Variants in LARGE1 observed in about 807,000 individuals in gnomAD.
LARGE1 encodes xylosyl- and glucuronyltransferase LARGE1.
LARGE1 carries 43 observed loss-of-function variants against 87.6 expected under a neutral mutation model. The ratio of observed to expected loss-of-function variants is 0.49; its 90% CI spans 0.38 to 0.63. LARGE1 has a LOEUF of 0.63. Ranked by LOEUF, LARGE1 falls within the 30% of genes least tolerant of loss-of-function variation. The pLI is 0.00. For missense variants in LARGE1, 802 were observed against 1,000.2 expected (o/e 0.80, Z 2.67); for synonymous variants, 434 against 394.6 (o/e 1.10, Z -1.18).
intron 7 of LARGE1, among the ~76,000 whole-genome samples, chr22:33,421,610 T>C (rs1386804920): frequency 1.3e-5 from 2 of 152,256 alleles, no homozygotes; most frequent in Non-Finnish European, 2.9e-5. Flanking sequence ...GCATTTACTA[T>C]GTGCTAAACC....
At chr22:33,293,063 C>T (rs1022611318) in intron 12 of LARGE1, among the ~76,000 whole-genome samples, 1 of 152,212 alleles carries the variant, frequency 6.6e-6, no homozygotes. Context: ...CAGAAGCATA[C>T]TCCTCTCTGT....
chr22:33,783,702 C>A (rs2085506605), intron 1 of LARGE1, among the ~76,000 whole-genome samples: 1 of 152,176 alleles, frequency 6.6e-6, no homozygotes, highest in Admixed American at 6.5e-5. Flanking sequence ...TCCATTGTGG[C>A]CTACTACATA....
intron 1 of LARGE1, among the ~76,000 whole-genome samples, chr22:33,850,177 G>C (rs913034498): frequency 1.2e-4 from 19 of 152,292 alleles, no homozygotes; most frequent in African/African-American, 4.6e-4. Context: ...TCTGGACTGA[G>C]GATCAGAAGA....
intron 11 of LARGE1, among the ~76,000 whole-genome samples, chr22:33,311,055 G>T (rs539929037): frequency 1.3e-5 from 2 of 152,118 alleles, no homozygotes; most frequent in African/African-American, 2.4e-5. Flanking sequence ...CCGCCTCCCG[G>T]GTTCACACCA....
Position 33,794,517 on chromosome 22 carries a change from A to G in LARGE1, c.-82-32959T>C, listed in dbSNP as rs549670321. On this transcript the variant is annotated intron_variant, in intron 1 of 14. Transcript: ENST00000397394. ...CAGACCAGAGTTCCAACCCCAGTCT[A>G]TCCTTTTACTGCTGTGTGGCCTTGG... Among the ~76,000 whole-genome samples the G allele has an allele frequency of 3.9e-5, 6 of 152,334 alleles. No homozygotes were observed. The South Asian group carries it at 1.2e-3, about 32-fold the overall frequency.
chr22:33,509,427 A>G (rs1416623544), intron 6 of LARGE1, among the ~76,000 whole-genome samples: 1 of 151,264 alleles, frequency 6.6e-6, no homozygotes, highest in African/African-American at 2.5e-5. Flanking sequence ...GTCATGTTTA[A>G]TAGAGTCCTC....
intron 5 of LARGE1, among the ~76,000 whole-genome samples, chr22:33,598,818 G>C (rs1364403676): frequency 1.3e-5 from 2 of 152,180 alleles, no homozygotes; most frequent in African/African-American, 4.8e-5. Context: ...ATTGTGAATA[G>C]AGCCACAATA....
At chr22:33,595,938 A>C (rs1431271890) in intron 5 of LARGE1, among the ~76,000 whole-genome samples, 1 of 152,236 alleles carries the variant, frequency 6.6e-6, no homozygotes, top group Non-Finnish European at 1.5e-5. Context: ...TGAAGATTTC[A>C]GTAAGGCATA....
At chr22:33,553,802 T>C (rs948751122) in intron 6 of LARGE1, among the ~76,000 whole-genome samples, 2 of 151,638 alleles carry the variant, frequency 1.3e-5, no homozygotes, top group African/African-American at 4.9e-5. Context: ...GGAAAGGGAG[T>C]GGGGAAAGAA....
At chr22:33,132,436 G>C in the LARGE1 span, among the ~76,000 whole-genome samples, 1 of 151,242 alleles carries the variant, frequency 6.6e-6, no homozygotes, top group Non-Finnish European at 1.5e-5. Context: ...TCCCACCTAG[G>C]CTTCCCAAAG....
intron 9 of LARGE1, among the ~76,000 whole-genome samples, chr22:33,349,820 T>C (rs1216439442): frequency 3.3e-5 from 5 of 152,174 alleles, no homozygotes; most frequent in Non-Finnish European, 4.4e-5. Context: ...CAGATTCCTA[T>C]TGCCTTTTGG....
intron 1 of LARGE1, among the ~76,000 whole-genome samples, chr22:33,837,369 TAC>T (rs1474776393): frequency 6.6e-6 from 1 of 152,082 alleles, no homozygotes; most frequent in African/African-American, 2.4e-5. Flanking sequence ...TGTTTATATA[TAC>T]ATGTGTGTAT....
At chr22:33,310,992 G>A (rs962352483) in intron 11 of LARGE1, among the ~76,000 whole-genome samples, 7 of 149,896 alleles carry the variant, frequency 4.7e-5, no homozygotes, top group South Asian at 2.1e-4. Context: ...ACCGAGTCTC[G>A]CTTTGTTGCC....
intron 12 of LARGE1, among the ~76,000 whole-genome samples, chr22:33,301,907 C>T (rs369562563): frequency 1.2e-4 from 18 of 152,098 alleles, no homozygotes; most frequent in African/African-American, 3.4e-4. Flanking sequence ...ACTGTTCATA[C>T]GTATTGCTTT....
At chr22:33,523,845 T>C (rs2071736299) in intron 6 of LARGE1, among the ~76,000 whole-genome samples, 1 of 152,238 alleles carries the variant, frequency 6.6e-6, no homozygotes, top group South Asian at 2.1e-4. Flanking sequence ...CTTAGATAAC[T>C]AGTACAATAT....
At chr22:33,834,003 TAGC>T (rs1031776813) in intron 1 of LARGE1, among the ~76,000 whole-genome samples, 37 of 152,208 alleles carry the variant, frequency 2.4e-4, no homozygotes, top group African/African-American at 7.5e-4. Flanking sequence ...ATTGTCATTT[TAGC>T]AGAACACTGG....
intron 2 of LARGE1, among the ~76,000 whole-genome samples, chr22:33,739,002 C>A (rs1179203883): frequency 1.3e-5 from 2 of 150,234 alleles, no homozygotes; most frequent in African/African-American, 4.9e-5. Flanking sequence ...CAGAGTATGA[C>A]AGGAAGAGTG....
At chr22:33,745,209 C>A (rs1418192440) in intron 2 of LARGE1, among the ~76,000 whole-genome samples, 3 of 152,094 alleles carry the variant, frequency 2.0e-5, no homozygotes, top group African/African-American at 7.2e-5. Context: ...CTGTTTGGAG[C>A]AAAGGTGTGG....
intron 11 of LARGE1, among the ~76,000 whole-genome samples, chr22:33,225,729 A>T (rs1328618073): frequency 6.6e-6 from 1 of 152,084 alleles, no homozygotes; most frequent in Non-Finnish European, 1.5e-5. Flanking sequence ...ACCCTCAACT[A>T]GGCCCCACTG....
Sources: allele counts gnomAD v4.1 joint callset (sites outside exome capture counted in the v4.1 genomes callset), GRCh38; gene constraint gnomAD v4.1.1; transcripts MANE v1.5; gene names NCBI Gene and HGNC (gene_info 2026-07-23, HGNC 2026-07-21).